NCOR2: variants seen among roughly 807,000 people sequenced by gnomAD.
NCOR2 encodes nuclear receptor corepressor 2.
A neutral mutation model predicts 262.9 loss-of-function variants in NCOR2; 81 were observed. The observed-to-expected ratio is 0.31, with a 90% CI of 0.26 to 0.37. The LOEUF is 0.37. Among genes scored for constraint, NCOR2 ranks in the 10% least tolerant of loss-of-function variants. The probability of loss-of-function intolerance (pLI) is 1.00; values close to 1 mark genes in which losing one functional copy is unlikely to be tolerated. For synonymous variants in NCOR2, 1,659 were observed against 1,559.3 expected (o/e 1.06, Z -1.51); for missense variants, 3,385 against 3,621.4 (o/e 0.93, Z 1.68).
rs1387379273 is a variant in NCOR2, at chr12:124,440,174, C to T, written c.816-2178G>A. Among the ~76,000 whole-genome samples, 1 of 152,138 alleles carries T rather than the reference C, an allele frequency of 6.6e-6. No individual in the cohort carries two copies. Among genetic ancestry groups the T allele is most frequent in the African/African-American group, 2.4e-5 (1 of 41,422 alleles). ...CACCCGCTTTTCTGGGGAGGGGATCCCCAACTTTTTCATATTCTCAGCAGT... is the reference window on the plus strand; with the variant it reads ...CACCCGCTTTTCTGGGGAGGGGATCTCCAACTTTTTCATATTCTCAGCAGT... On this transcript the variant is annotated intron_variant, in intron 7 of 46. Coordinates refer to ENST00000405201, the Ensembl canonical transcript of NCOR2. This position sits in a 1 kb window ranked among gnomAD's most constrained non-coding sequence, Gnocchi z 5.7.
chr12:124,375,253 T>C (rs1421916086), intron 18 of NCOR2, among the ~76,000 whole-genome samples: 3 of 152,164 alleles, frequency 2.0e-5, no homozygotes, highest in African/African-American at 4.8e-5. Flanking sequence ...GTACAGGACG[T>C]TGGGAGGCCA....
At chr12:124,347,028 A>G (rs961532859) in intron 30 of NCOR2, among the ~76,000 whole-genome samples, 178 bp from the exon 33 acceptor site, 3 of 152,226 alleles carry the variant, frequency 2.0e-5, no homozygotes, top group Admixed American at 6.5e-5. Context: ...AAACAAGAAT[A>G]TTAACTGAAC....
chr12:124,367,053 T>C (rs571722123), intron 20 of NCOR2, among the ~76,000 whole-genome samples: 4 of 152,312 alleles, frequency 2.6e-5, no homozygotes, highest in African/African-American at 9.6e-5. Context: ...GATAATTCTA[T>C]AGAGATAAAA....
Position 124,346,810 on chromosome 12 carries a change from C to A in NCOR2, c.4113G>T (p.Leu1371=), listed in dbSNP as rs754056416. The change falls in exon 31 of 47, where the codon CTG becomes CTT. Residue 1371 remains leucine, a synonymous_variant. Transcript: ENST00000405201. ...GCTTTAGGAGCTTGGCCTCCCGACG[C>A]AGGTAGTCCTCCTGTGCCTCCACGT... 620 of 1,577,456 alleles carry A rather than the reference C, an allele frequency of 3.9e-4. 3 individuals carry two copies. The highest frequency in any genetic ancestry group is 2.8e-4 in the Non-Finnish European group (320 of 1,162,528).
chr12:124,559,217 G>A (rs971075323), intron 1 of NCOR2, among the ~76,000 whole-genome samples: 7 of 152,180 alleles, frequency 4.6e-5, no homozygotes, highest in South Asian at 2.1e-4. Flanking sequence ...GAGAAGCAGG[G>A]GACCTGAAGC....
At chr12:124,455,316 T>C (rs1254767272) in intron 6 of NCOR2, among the ~76,000 whole-genome samples, 1 of 152,136 alleles carries the variant, frequency 6.6e-6, no homozygotes, top group Non-Finnish European at 1.5e-5. Context: ...TCCCCAGATA[T>C]CACTTCCACT....
intron 37 of NCOR2, 109 bp downstream of exon 39, chr12:124,339,897 A>ACCCACCCC: frequency 1.7e-5 from 3 of 176,240 alleles, no homozygotes; most frequent in South Asian, 4.4e-5. Context: ...ACATCTGCCC[A>ACCCACCCC]CCCACCCACC....
chr12:124,375,199 CCTGGTGA>C (rs959990913), intron 18 of NCOR2, among the ~76,000 whole-genome samples: 11 of 152,298 alleles, frequency 7.2e-5, no homozygotes, highest in African/African-American at 2.4e-4. Context: ...CCTTCCTCTG[CCTGGTGA>C]CTTCAGCAAT....
intron 13 of NCOR2, among the ~76,000 whole-genome samples, chr12:124,418,072 A>G (rs2043005178): frequency 6.6e-6 from 1 of 152,080 alleles, no homozygotes; most frequent in Non-Finnish European, 1.5e-5. Flanking sequence ...AAAAAAAAAA[A>G]AAACAAATCC....
intron 22 of NCOR2, among the ~76,000 whole-genome samples, chr12:124,361,037 C>T (rs2038539020): frequency 6.6e-6 from 1 of 150,762 alleles, no homozygotes; most frequent in African/African-American, 2.5e-5. Flanking sequence ...CCAGCAGCCT[C>T]GGTGGACCCC....
chr12:124,355,315 G>C, intron 24 of NCOR2, 117 bp downstream of exon 26: 1 of 1,299,578 alleles, frequency 7.7e-7, no homozygotes, highest in Non-Finnish European at 1.1e-6. Context: ...AGATGCCTGA[G>C]TGGAGATGAC....
At chr12:124,516,451 A>G (rs1458125456) in intron 1 of NCOR2, among the ~76,000 whole-genome samples, 1 of 152,200 alleles carries the variant, frequency 6.6e-6, no homozygotes, top group African/African-American at 2.4e-5. Flanking sequence ...ACCTCCCATT[A>G]TCTGGACCCA....
intron 22 of NCOR2, among the ~76,000 whole-genome samples, chr12:124,358,665 C>T (rs1331098903): frequency 6.6e-6 from 1 of 152,210 alleles, no homozygotes; most frequent in Non-Finnish European, 1.5e-5. Flanking sequence ...CCAGCAAATA[C>T]TTAGCCGAGT....
intron 11 of NCOR2, 91 bp from the exon 14 acceptor site, chr12:124,422,646 C>A: frequency 2.0e-6 from 3 of 1,466,516 alleles, no homozygotes; most frequent in Non-Finnish European, 2.8e-6. Context: ...GCCATCCCCA[C>A]TGGCCGGGCC....
chr12:124,523,091 A>C lies in NCOR2; in HGVS notation c.-118+12474T>G, dbSNP rs984420150. On this transcript the variant is annotated intron_variant, in intron 1 of 46. Transcript: ENST00000404621. This position sits in a 1 kb window ranked among gnomAD's most constrained non-coding sequence, Gnocchi z 4.0. The stretch of plus-strand genomic sequence containing the variant: ...ATCCAGGCCCGGGATTCTTCTCCAC[A>C]AAAGCATCAAAATGAAGCCCTGACC... Among the ~76,000 whole-genome samples, 1 of 152,220 alleles carries C rather than the reference A, an allele frequency of 6.6e-6. No homozygotes were observed. Among genetic ancestry groups the C allele is most frequent in the Non-Finnish European group, 1.5e-5 (1 of 68,032 alleles).
chr12:124,544,588 G>A (rs2051482849), intron 1 of NCOR2, among the ~76,000 whole-genome samples: 1 of 152,146 alleles, frequency 6.6e-6, no homozygotes, highest in Non-Finnish European at 1.5e-5. Flanking sequence ...TCACAAGCAG[G>A]CTCCGCCCCC....
chr12:124,500,407 G>A (rs1208373284), intron 1 of NCOR2, among the ~76,000 whole-genome samples: 2 of 152,214 alleles, frequency 1.3e-5, no homozygotes, highest in Non-Finnish European at 2.9e-5. Context: ...AGCAGCAGAA[G>A]CCAAGTGGGC....
chr12:124,495,768 C>T (rs988737058), upstream of NCOR2, among the ~76,000 whole-genome samples: 2 of 152,150 alleles, frequency 1.3e-5, no homozygotes, highest in African/African-American at 2.4e-5. This position sits in a 1 kb window ranked among gnomAD's most constrained non-coding sequence, Gnocchi z 4.4. Context: ...CCAGGAGGGG[C>T]GGCCGGCAGC....
chr12:124,451,750 C>G (rs549938556), intron 6 of NCOR2, among the ~76,000 whole-genome samples: 2 of 152,276 alleles, frequency 1.3e-5, no homozygotes, highest in South Asian at 4.1e-4. Flanking sequence ...CAGGGCAGGG[C>G]TGCAGCGACA....
Sources: gnomAD v4.1 joint callset for allele counts (sites outside exome capture counted in the v4.1 genomes callset) on GRCh38, gnomAD v4.1.1 for gene constraint, Gnocchi (gnomAD v3.1) non-coding constraint, MANE v1.5 for transcripts, NCBI Gene and HGNC (gene_info 2026-07-23, HGNC 2026-07-21) for gene names.